CALCR: variants seen among roughly 807,000 people sequenced by gnomAD.
CALCR encodes calcitonin receptor.
Under a neutral mutation model 59.5 loss-of-function variants are expected in CALCR, and 47 were observed. The ratio of observed to expected loss-of-function variants is 0.79; its 90% CI spans 0.63 to 1.01. The LOEUF is 1.01. Among genes scored for constraint, CALCR ranks in the 50% least tolerant of loss-of-function variants. CALCR has a pLI of 0.00. For missense variants in CALCR, 566 were observed against 597.1 expected, an observed-to-expected ratio of 0.95 and a Z score of 0.54; for synonymous variants, 213 against 211.3, an observed-to-expected ratio of 1.01 and a Z score of -0.07.
intron 11 of CALCR, among the ~76,000 whole-genome samples, chr7:93,437,203 T>C (rs941077345): frequency 6.6e-6 from 1 of 152,146 alleles, no homozygotes; most frequent in Admixed American, 6.5e-5. Context: ...CTTAAAAATT[T>C]CTAGATAATT....
rs1288542622 is a variant in CALCR, at chr7:93,480,843, T to C, written c.52-1336A>G. ...GGGGGGGTCGAGAAGCCTTTTGGGA[T>C]GGAGGGACCTTTCCCACAAAAGTCT... On this transcript the variant is annotated intron_variant, in intron 3 of 13. Coordinates refer to ENST00000426151, the MANE Select transcript of CALCR (RefSeq NM_001742.4). Among the ~76,000 whole-genome samples, 3 of 151,760 alleles carry C rather than the reference T, an allele frequency of 2.0e-5. No individual in the cohort carries two copies. The East Asian group carries it at 5.8e-4, about 30-fold the overall frequency.
chr7:93,486,179 A>G, intron 3 of CALCR, among the ~76,000 whole-genome samples: 1 of 151,530 alleles, frequency 6.6e-6, no homozygotes, highest in South Asian at 2.1e-4. Context: ...AAGGATAAGA[A>G]GCAAGGCAGC....
At chr7:93,517,192 C>G (rs1801667289) in intron 2 of CALCR, among the ~76,000 whole-genome samples, 1 of 150,666 alleles carries the variant, frequency 6.6e-6, no homozygotes, top group Non-Finnish European at 1.5e-5. Context: ...CAATACCTAT[C>G]ACGCTGCCAG....
intron 2 of CALCR, among the ~76,000 whole-genome samples, chr7:93,513,050 C>A (rs780498545): frequency 6.6e-6 from 1 of 152,136 alleles, no homozygotes; most frequent in Non-Finnish European, 1.5e-5. Context: ...TAATACATGT[C>A]CATTGCCCAA....
At chr7:93,435,739 G>A (rs1799758356) in intron 12 of CALCR, among the ~76,000 whole-genome samples, 1 of 151,702 alleles carries the variant, frequency 6.6e-6, no homozygotes, top group Non-Finnish European at 1.5e-5. Flanking sequence ...CCGGGAGATG[G>A]AGGTTGCAGT....
intron 2 of CALCR, among the ~76,000 whole-genome samples, chr7:93,498,206 T>TA (rs1177431035): frequency 6.6e-6 from 1 of 151,710 alleles, no homozygotes; most frequent in African/African-American, 2.4e-5. Flanking sequence ...CGAATTTGAG[T>TA]ACCACATCCT....
intron 2 of CALCR, among the ~76,000 whole-genome samples, chr7:93,528,548 A>C (rs1342299329): frequency 6.6e-6 from 1 of 152,122 alleles, no homozygotes; most frequent in Admixed American, 6.6e-5. Flanking sequence ...TGTCCTTGCG[A>C]TAGTTTGCCG....
intron 2 of CALCR, among the ~76,000 whole-genome samples, chr7:93,546,168 A>C (rs1469059643): frequency 6.6e-6 from 1 of 152,150 alleles, no homozygotes; most frequent in Non-Finnish European, 1.5e-5. Context: ...TGCAAAGTCC[A>C]GGTATCATGC....
Position 93,425,376 on chromosome 7 carries a change from T to C in CALCR, c.*980A>G, listed in dbSNP as rs1305011269. ...GGGTGGAAAGCAGTTAATGGACTTA[T>C]GTGGAGTCTTTTAATTACCAATATT... On this transcript the variant is annotated 3_prime_UTR_variant, in exon 14 of 14. Transcript: ENST00000426151. 1.3e-5 allele frequency: 2 copies of C among 152,628 alleles called. No individual in the cohort carries two copies. Among genetic ancestry groups the C allele is most frequent in the Non-Finnish European group, 2.9e-5 (2 of 68,022 alleles). 9.5% of individuals were successfully genotyped at this position (152,628 alleles called of 1,614,324 possible). A position where few individuals can be genotyped will look rare whatever the true frequency, so the allele number is the denominator to read the frequency against.
At chr7:93,561,279 C>T (rs1000504456) in intron 2 of CALCR, among the ~76,000 whole-genome samples, 2 of 152,060 alleles carry the variant, frequency 1.3e-5, no homozygotes, top group Non-Finnish European at 2.9e-5. Context: ...TATATTCACA[C>T]ACTAATAACA....
At chr7:93,509,674 C>T (rs1584595137) in intron 2 of CALCR, among the ~76,000 whole-genome samples, 1 of 152,098 alleles carries the variant, frequency 6.6e-6, no homozygotes, top group African/African-American at 2.4e-5. Flanking sequence ...TTTATTTACT[C>T]AATAAAATCA....
At chr7:93,506,569 T>C (rs1801429826) in intron 2 of CALCR, among the ~76,000 whole-genome samples, 1 of 152,110 alleles carries the variant, frequency 6.6e-6, no homozygotes, top group African/African-American at 2.4e-5. Context: ...CAGGATTCTG[T>C]TGTTATAACA....
At chr7:93,451,608 C>T (rs182896099) in intron 8 of CALCR, among the ~76,000 whole-genome samples, 15 of 152,030 alleles carry the variant, frequency 9.9e-5, no homozygotes, top group Non-Finnish European at 2.1e-4. Flanking sequence ...TGGAAAGGGT[C>T]CCACTTCATG....
Position 93,426,498 on chromosome 7 carries a change from G to T in CALCR, c.1283C>A (p.Ala428Asp). The T allele has an allele frequency of 6.2e-7, 1 of 1,613,900 alleles. No homozygotes were observed. The highest frequency in any genetic ancestry group is 1.1e-5 in the South Asian group (1 of 91,070). Residue 428 changes from alanine to aspartate, a missense_variant, in exon 14 of 14, where the codon GCT (alanine) becomes GAT (aspartate). Ala to Asp is a moderately radical substitution (Grantham distance 126). Transcript: ENST00000426151. ...GRRPSNRSAR[A>D]AAAAAEAGDI... ...GCCAGCCTCCGCAGCAGCGGCTGCAGCGCGAGCAGAGCGGTTGGAGGGGCG... is the reference window on the plus strand; with the variant it reads ...GCCAGCCTCCGCAGCAGCGGCTGCATCGCGAGCAGAGCGGTTGGAGGGGCG...
chr7:93,445,986 A>G lies in CALCR; in HGVS notation c.649-2229T>C, dbSNP rs572721007. On this transcript the variant is annotated intron_variant, in intron 8 of 13. Transcript: ENST00000426151. ...ACTGAAACAAGAAGGCACAGAGAGC[A>G]TTGCCTTCTTTAACCTCAGCTGGGA... 6.6e-5 allele frequency among the ~76,000 whole-genome samples: 10 copies of G among 152,204 alleles called. No individual in the cohort carries two copies. The South Asian group carries it at 2.1e-3, about 32-fold the overall frequency.
At chr7:93,497,285 A>T (rs569463506) in intron 2 of CALCR, among the ~76,000 whole-genome samples, 1 of 151,624 alleles carries the variant, frequency 6.6e-6, no homozygotes, top group Non-Finnish European at 1.5e-5. Flanking sequence ...CATCATGCTA[A>T]CTTAGCTCTT....
intron 2 of CALCR, among the ~76,000 whole-genome samples, chr7:93,507,319 A>G (rs1359260647): frequency 2.0e-5 from 3 of 152,110 alleles, no homozygotes; most frequent in Non-Finnish European, 4.4e-5. Flanking sequence ...GGACAAGTCA[A>G]GTGTTATATG....
chr7:93,557,339 T>C (rs1310915676), intron 2 of CALCR, among the ~76,000 whole-genome samples: 1 of 151,856 alleles, frequency 6.6e-6, no homozygotes, highest in Non-Finnish European at 1.5e-5. Context: ...TTTTGATATA[T>C]GTATACATTG....
At chr7:93,503,514 A>G (rs114586858) in intron 2 of CALCR, among the ~76,000 whole-genome samples, 1,776 of 152,204 alleles carry the variant, frequency 0.012, 45 homozygotes, top group South Asian at 0.068. Context: ...AGATGGTGGG[A>G]TTGAAAGTGA....
Sources: allele counts gnomAD v4.1 joint callset (sites outside exome capture counted in the v4.1 genomes callset), GRCh38; gene constraint gnomAD v4.1.1; transcripts MANE v1.5; gene names NCBI Gene and HGNC (gene_info 2026-07-23, HGNC 2026-07-21).